Variants in RABGAP1L observed in about 807,000 individuals in gnomAD.
RABGAP1L encodes rab GTPase-activating protein 1-like.
Under a neutral mutation model 137.7 loss-of-function variants are expected in RABGAP1L, and 63 were observed. The ratio of observed to expected loss-of-function variants is 0.46; its 90% CI spans 0.37 to 0.56. The LOEUF (loss-of-function observed/expected upper bound fraction) is 0.56. Ranked by LOEUF, RABGAP1L falls within the 20% of genes least tolerant of loss-of-function variation. RABGAP1L has a pLI of 0.00. For synonymous variants in RABGAP1L, 431 were observed against 433.7 expected (o/e 0.99, Z 0.08); for missense variants, 1,095 against 1,244.0 (o/e 0.88, Z 1.80).
At chr1:174,475,086 A>G (rs1029079820) in intron 13 of RABGAP1L, among the ~76,000 whole-genome samples, 4 of 152,180 alleles carry the variant, frequency 2.6e-5, no homozygotes. Context: ...CTGATGTCAT[A>G]TACAAGCAGG....
At chr1:174,230,945 C>G (rs1670595935) in intron 3 of RABGAP1L, among the ~76,000 whole-genome samples, 200 bp from the exon 4 acceptor site, 1 of 151,982 alleles carries the variant, frequency 6.6e-6, no homozygotes, top group Non-Finnish European at 1.5e-5. Context: ...GGCTCTGGAA[C>G]TCTGACATAA....
At chr1:174,546,166 A>G (rs1450105099) in intron 13 of RABGAP1L, among the ~76,000 whole-genome samples, 1 of 152,204 alleles carries the variant, frequency 6.6e-6, no homozygotes, top group African/African-American at 2.4e-5. Context: ...AAGCTGCTCT[A>G]AAGTTGGGTC....
intron 11 of RABGAP1L, among the ~76,000 whole-genome samples, chr1:174,330,189 C>G (rs549372240): frequency 6.6e-6 from 1 of 152,150 alleles, no homozygotes; most frequent in Non-Finnish European, 1.5e-5. Context: ...AACTAATAAA[C>G]AAATTCAGTA....
At chr1:174,565,884 ATTTTT>A (rs776033808) in intron 13 of RABGAP1L, among the ~76,000 whole-genome samples, 1 of 132,756 alleles carries the variant, frequency 7.5e-6, no homozygotes. Context: ...AATCCTTTAC[ATTTTT>A]TTTTTTTTTT....
At chr1:174,710,225 T>C (rs1487699096) in intron 17 of RABGAP1L, among the ~76,000 whole-genome samples, 2 of 152,138 alleles carry the variant, frequency 1.3e-5, no homozygotes, top group East Asian at 3.8e-4. Context: ...TGGAACCAAG[T>C]TGGAAAACAC....
rs1351972920 is a variant in RABGAP1L, at chr1:174,538,621, G to T, written c.1711-98754G>T. Among the ~76,000 whole-genome samples, 4 of 151,984 alleles carry T rather than the reference G, an allele frequency of 2.6e-5. No homozygotes were observed. In the East Asian group the frequency reaches 7.7e-4, roughly 29 times the overall value. On this transcript the variant is annotated intron_variant, in intron 13 of 25. Transcript: ENST00000681986. The stretch of plus-strand genomic sequence containing the variant: ...GACTTAGTTTTTTTTAACCCACAAG[G>T]TGGTTATAATGATATTTCACTGTGC...
chr1:174,530,726 TTCAC>T (rs971948474), intron 13 of RABGAP1L, among the ~76,000 whole-genome samples: 3 of 152,170 alleles, frequency 2.0e-5, no homozygotes, highest in Admixed American at 2.0e-4. Flanking sequence ...AGTATGGTTA[TTCAC>T]TCACTATTTT....
In RABGAP1L at chr1:174,637,809, T is replaced by C. The variant is rs1674186094; in HGVS notation, c.1824+321T>C. On this transcript the variant is annotated intron_variant, in intron 14 of 25. Transcript: ENST00000681986. ...AGATGACTCTGTCCTTCTGACAAGA[T>C]CATGCAGCAATTGTCTCCATTTTTC... 2.0e-5 allele frequency among the ~76,000 whole-genome samples: 3 copies of C among 152,314 alleles called. No homozygotes were observed. The South Asian group carries it at 6.2e-4, about 32-fold the overall frequency.
intron 18 of RABGAP1L, among the ~76,000 whole-genome samples, chr1:174,797,368 A>G (rs886281676): frequency 3.3e-5 from 5 of 152,100 alleles, no homozygotes; most frequent in African/African-American, 7.2e-5. Flanking sequence ...AGTGCTGTAC[A>G]TAGCAGTAGC....
chr1:174,976,188 A>C lies in RABGAP1L; in HGVS notation c.2649+6A>C, dbSNP rs768168280. 6.5e-7 allele frequency: 1 copy of C among 1,536,660 alleles called. No individual in the cohort carries two copies. Among genetic ancestry groups the C allele is most frequent in the African/African-American group, 1.4e-5 (1 of 72,826 alleles). ...AAGAGGAAGAGACTGCCCAGGTAAA[A>C]GGAATAATATGTAGGCTTTTCTTTA... On this transcript the variant is annotated splice_donor_region_variant and intron_variant, in intron 22 of 25. Coordinates refer to ENST00000681986, the MANE Select transcript of RABGAP1L (RefSeq NM_001366446.1).
At position 174,387,700 on chromosome 1, in the gene RABGAP1L, G is replaced by T. The variant is rs532130590; in HGVS notation, c.1560-6295G>T. On this transcript the variant is annotated intron_variant, in intron 12 of 25. Coordinates refer to ENST00000681986, the MANE Select transcript of RABGAP1L (RefSeq NM_001366446.1). ...CTCCAAATGGGAAAAGACTTCTGAG[G>T]TAGAAATGACAGGGTTGCTCAGCTG... Among the ~76,000 whole-genome samples the T allele has an allele frequency of 3.3e-5, 5 of 152,154 alleles. No individual in the cohort carries two copies. The South Asian group carries it at 1.0e-3, about 32-fold the overall frequency.
At chr1:174,518,969 A>G (rs1014361274) in intron 13 of RABGAP1L, among the ~76,000 whole-genome samples, 4 of 152,090 alleles carry the variant, frequency 2.6e-5, no homozygotes, top group African/African-American at 9.7e-5. Context: ...TTGAGGTTTC[A>G]GAACTAAGAG....
At chr1:174,741,795 T>C (rs1683428110) in intron 17 of RABGAP1L, among the ~76,000 whole-genome samples, 1 of 148,086 alleles carries the variant, frequency 6.8e-6, no homozygotes, top group African/African-American at 2.5e-5. Context: ...TTTTAAGGAT[T>C]TTTTTTTTAA....
At chr1:174,163,319 A>G (rs963099728) in intron 1 of RABGAP1L, among the ~76,000 whole-genome samples, 10 of 152,196 alleles carry the variant, frequency 6.6e-5, no homozygotes, top group South Asian at 4.1e-4. Context: ...AAGAGCTTGC[A>G]TCTCTGAACA....
chr1:174,361,422 TA>T (rs1558165407), intron 11 of RABGAP1L, among the ~76,000 whole-genome samples: 1 of 152,136 alleles, frequency 6.6e-6, no homozygotes, highest in Non-Finnish European at 1.5e-5. Context: ...GAACATGAAA[TA>T]TATTTGTATT....
chr1:174,385,179 A>C (rs1418014153), intron 12 of RABGAP1L, among the ~76,000 whole-genome samples: 1 of 152,238 alleles, frequency 6.6e-6, no homozygotes, highest in East Asian at 1.9e-4. Flanking sequence ...ATGTTGCACT[A>C]GGCTGGTAGC....
chr1:174,268,666 C>T (rs571100035), intron 7 of RABGAP1L, among the ~76,000 whole-genome samples: 1 of 152,122 alleles, frequency 6.6e-6, no homozygotes, highest in Non-Finnish European at 1.5e-5. Flanking sequence ...TTTCATATTG[C>T]AGGACATTAA....
At chr1:174,328,024 T>TAC (rs1553274609) in intron 11 of RABGAP1L, among the ~76,000 whole-genome samples, 12 of 119,504 alleles carry the variant, frequency 1.0e-4, no homozygotes, top group East Asian at 5.3e-4. Flanking sequence ...TATATATATA[T>TAC]ACCCAACATC....
chr1:174,328,970 C>A (rs997718433), intron 11 of RABGAP1L, among the ~76,000 whole-genome samples: 2 of 136,136 alleles, frequency 1.5e-5, no homozygotes, highest in Non-Finnish European at 1.6e-5. Flanking sequence ...ACTAGGAAAA[C>A]AAAATTGAGG....
Sources: gnomAD v4.1 joint callset for allele counts (sites outside exome capture counted in the v4.1 genomes callset) on GRCh38, gnomAD v4.1.1 for gene constraint, MANE v1.5 for transcripts, NCBI Gene and HGNC (gene_info 2026-07-23, HGNC 2026-07-21) for gene names.